MARK3: variants seen among roughly 807,000 people sequenced by gnomAD.
MARK3 encodes microtubule affinity regulating kinase 3.
Under a neutral mutation model 90.1 loss-of-function variants are expected in MARK3, and 46 were observed. The observed-to-expected ratio is 0.51, with a 90% CI of 0.40 to 0.65. The LOEUF (loss-of-function observed/expected upper bound fraction) is 0.65, where lower values mean the gene tolerates loss of function less well. MARK3 is among the 30% of genes least tolerant of loss of function. The probability of loss-of-function intolerance (pLI) is 0.00; values close to 1 mark genes in which losing one functional copy is unlikely to be tolerated. For missense variants in MARK3, 818 were observed against 947.2 expected, an observed-to-expected ratio of 0.86 and a Z score of 1.79; for synonymous variants, 321 against 332.6, an observed-to-expected ratio of 0.97 and a Z score of 0.38.
intron 11 of MARK3, chr14:103,467,678 A>AAAAAAAAAAAAT (rs2093539097): frequency 6.6e-6 from 1 of 151,024 alleles, no homozygotes; most frequent in African/African-American, 2.6e-5. Flanking sequence ...CTGTCTCAAA[A>AAAAAAAAAAAAT]AAAAAAAAAA....
In MARK3 at chr14:103,411,904, A is replaced by G. The variant is rs569015940; in HGVS notation, c.243+6637A>G. ...CTAAAGTGCTGGGATTACAGGTGTGAGCCACCACGCCCGGCCAATGACTCT... is the reference window on the plus strand; with the variant it reads ...CTAAAGTGCTGGGATTACAGGTGTGGGCCACCACGCCCGGCCAATGACTCT... On this transcript the variant is annotated intron_variant, in intron 2 of 17. Transcript: ENST00000429436. Among the ~76,000 whole-genome samples the G allele has an allele frequency of 8.0e-5, 12 of 149,446 alleles. No individual in the cohort carries two copies. The South Asian group carries it at 2.5e-3, about 32-fold the overall frequency.
Position 103,471,563 on chromosome 14 carries a change from G to A in MARK3, c.1264+3377G>A, listed in dbSNP as rs182790256. ...TGAAGGCAGGCAAGCCTGTATAGCC[G>A]GGCTAACTTTCACCTCATCCTCCTG... On this transcript the variant is annotated intron_variant, in intron 12 of 17. Transcript: ENST00000429436. Among the ~76,000 whole-genome samples, 403 of 152,132 alleles carry A rather than the reference G, an allele frequency of 2.6e-3. 8 individuals carry two copies. Among genetic ancestry groups the A allele is most frequent in the Non-Finnish European group, 4.1e-4 (28 of 67,998 alleles).
At chr14:103,418,160 A>G (rs2092035113) in intron 2 of MARK3, among the ~76,000 whole-genome samples, 1 of 148,254 alleles carries the variant, frequency 6.7e-6, no homozygotes, top group African/African-American at 2.5e-5. Flanking sequence ...TCTTTACAGC[A>G]TCTAGCCCTG....
chr14:103,443,251 T>A (rs1401948375), intron 3 of MARK3, among the ~76,000 whole-genome samples: 1 of 152,220 alleles, frequency 6.6e-6, no homozygotes, highest in Admixed American at 6.5e-5. Flanking sequence ...GAATTCATGA[T>A]TGAATTCTTT....
Position 103,385,983 on chromosome 14 carries a change from C to G in MARK3, c.-47C>G, listed in dbSNP as rs1555365915. 1 of 1,514,770 alleles carries G rather than the reference C, an allele frequency of 6.6e-7. No individual in the cohort carries two copies. Among genetic ancestry groups the G allele is most frequent in the South Asian group, 1.1e-5 (1 of 89,030 alleles). The allele number at this position is 1,514,770 out of a possible 1,614,324, so 93.8% of individuals were successfully genotyped here. ...TGGTCGCCGGCCTCCTAGGGCTGTG[C>G]TGTTTTGTTTTGACCCTCGCATTGT... On this transcript the variant is annotated 5_prime_UTR_variant, in exon 1 of 18. Transcript: ENST00000429436.
chr14:103,447,970 A>C (rs1220627598), intron 3 of MARK3, among the ~76,000 whole-genome samples: 1 of 151,982 alleles, frequency 6.6e-6, no homozygotes. Flanking sequence ...ATGGGGTTTC[A>C]CCATGTTGCC....
chr14:103,486,972 T>A (rs958675358), intron 14 of MARK3, among the ~76,000 whole-genome samples: 14 of 151,938 alleles, frequency 9.2e-5, no homozygotes, highest in African/African-American at 3.4e-4. Flanking sequence ...GACTGGAGTT[T>A]AGTGGCATGA....
In MARK3 at chr14:103,420,390, C is replaced by T. The variant is rs142091890; in HGVS notation, c.244-7997C>T. 3.1e-3 allele frequency among the ~76,000 whole-genome samples: 418 copies of T among 133,460 alleles called. 2 individuals are homozygous for T. The highest frequency in any genetic ancestry group is 0.011 in the African/African-American group (399 of 35,762). 87.6% of individuals were successfully genotyped at this position (133,460 alleles called of 152,430 possible). A position where few individuals can be genotyped will look rare whatever the true frequency, so the allele number is the denominator to read the frequency against. ...GACCAGAGGTGTGTACTACCACATC[C>T]GGCTGATTTTTTGTATTTTCTACAG... is the stretch of plus-strand genomic sequence containing the variant. On this transcript the variant is annotated intron_variant, in intron 2 of 17. Transcript: ENST00000429436.
intron 12 of MARK3, among the ~76,000 whole-genome samples, chr14:103,469,569 T>A (rs1179339748): frequency 6.6e-6 from 1 of 152,030 alleles, no homozygotes; most frequent in Non-Finnish European, 1.5e-5. Flanking sequence ...CACTGCAACC[T>A]CAGCCTCCGA....
At chr14:103,470,595 A>G (rs1328953847) in intron 12 of MARK3, among the ~76,000 whole-genome samples, 1 of 151,286 alleles carries the variant, frequency 6.6e-6, no homozygotes, top group Admixed American at 6.6e-5. Flanking sequence ...AGCTGGGACT[A>G]CAGGCATGCA....
At chr14:103,391,759 T>C (rs2090268050) in intron 1 of MARK3, among the ~76,000 whole-genome samples, 1 of 142,100 alleles carries the variant, frequency 7.0e-6, no homozygotes, top group African/African-American at 2.7e-5. Flanking sequence ...GGTTTCGCCA[T>C]GTTGGCCAGG....
intron 12 of MARK3, among the ~76,000 whole-genome samples, chr14:103,471,499 G>A (rs992259020): frequency 3.3e-5 from 5 of 152,124 alleles, no homozygotes; most frequent in Admixed American, 2.0e-4. Context: ...CACCTCATTG[G>A]AGTAGCTTTT....
At chr14:103,493,258 A>ATTTTTTTTTTTTTTTTTTT (rs10678432) in intron 15 of MARK3, among the ~76,000 whole-genome samples, 2 of 105,372 alleles carry the variant, frequency 1.9e-5, no homozygotes, top group Non-Finnish European at 1.8e-5. Flanking sequence ...TTTTTTTTTA[A>ATTTTTTTTTTTTTTTTTTT]TTTTTTTTTT....
intron 1 of MARK3, among the ~76,000 whole-genome samples, chr14:103,391,024 A>T (rs1465950618): frequency 2.0e-5 from 3 of 152,218 alleles, no homozygotes; most frequent in Non-Finnish European, 4.4e-5. Context: ...ACTATTTTTT[A>T]AAATATTTTA....
intron 2 of MARK3, among the ~76,000 whole-genome samples, chr14:103,406,211 T>C (rs1275476501): frequency 6.7e-6 from 1 of 149,512 alleles, no homozygotes; most frequent in South Asian, 2.1e-4. Flanking sequence ...AGCTTTTTCT[T>C]TTTTGGGGGG....
intron 6 of MARK3, among the ~76,000 whole-genome samples, chr14:103,460,332 G>A (rs1430246313): frequency 2.0e-5 from 3 of 151,786 alleles, no homozygotes; most frequent in Non-Finnish European, 2.9e-5. Flanking sequence ...TGATCCACCC[G>A]CCTCGGCCTC....
chr14:103,414,675 T>C (rs2091857405), intron 2 of MARK3, among the ~76,000 whole-genome samples: 1 of 152,230 alleles, frequency 6.6e-6, no homozygotes, highest in Admixed American at 6.5e-5. Context: ...TCTGAGTCAG[T>C]ATAAGTTAAA....
At chr14:103,430,478 T>A (rs1215191541) in intron 3 of MARK3, among the ~76,000 whole-genome samples, 1 of 148,674 alleles carries the variant, frequency 6.7e-6, no homozygotes, top group Admixed American at 6.9e-5. Context: ...CTCAGCACCA[T>A]TCATAGTTGT....
intron 3 of MARK3, among the ~76,000 whole-genome samples, chr14:103,430,390 G>T (rs182742263): frequency 0.012 from 361 of 29,998 alleles, 2 homozygotes; most frequent in Middle Eastern, 0.023. Context: ...CCCACCCCCA[G>T]CAATTTTGCA....
Sources: allele counts gnomAD v4.1 joint callset (sites outside exome capture counted in the v4.1 genomes callset), GRCh38; gene constraint gnomAD v4.1.1; transcripts MANE v1.5; gene names NCBI Gene and HGNC (gene_info 2026-07-23, HGNC 2026-07-21).